RBPJ: variants seen among roughly 807,000 people sequenced by gnomAD.
RBPJ encodes the protein recombination signal binding protein for immunoglobulin kappa J region, also known as recombining binding protein suppressor of hairless.
Under a neutral mutation model 67.8 loss-of-function variants are expected in RBPJ, and 9 were observed. The observed-to-expected ratio is 0.13, with a 90% confidence interval of 0.08 to 0.23. The LOEUF (loss-of-function observed/expected upper bound fraction) is 0.23. Ranked by LOEUF, RBPJ falls within the 10% of genes least tolerant of loss-of-function variation. The pLI, the probability that RBPJ is intolerant of heterozygous loss-of-function variation, is 1.00. For synonymous variants in RBPJ, 198 were observed against 203.3 expected (o/e 0.97, Z 0.22); for missense variants, 305 against 595.6 (o/e 0.51, Z 5.08).
chr4:26,129,949 C>T, the RBPJ span, among the ~76,000 whole-genome samples: 4 of 152,140 alleles, frequency 2.6e-5, no homozygotes, highest in African/African-American at 9.7e-5. Context: ...GCAACCTCTG[C>T]CTCCCAGGTC....
upstream of RBPJ, chr4:26,319,902 G>A: frequency 6.6e-7 from 1 of 1,508,236 alleles, no homozygotes; most frequent in Non-Finnish European, 9.2e-7. Flanking sequence ...GGAGGAGGGG[G>A]CGGGATTCGG....
At chr4:26,292,532 T>C (rs1721705133) in intron 1 of RBPJ, among the ~76,000 whole-genome samples, 1 of 150,510 alleles carries the variant, frequency 6.6e-6, no homozygotes, top group Non-Finnish European at 1.5e-5. Context: ...GCGATTCTCC[T>C]GTCTCAGCCT....
intron 3 of RBPJ, among the ~76,000 whole-genome samples, chr4:26,411,298 T>G (rs921484657): frequency 6.6e-6 from 1 of 151,990 alleles, no homozygotes; most frequent in Non-Finnish European, 1.5e-5. Flanking sequence ...TTAAGTTTTC[T>G]TCTGTTAATT....
chr4:26,305,503 T>C (rs1231460164), intron 1 of RBPJ, among the ~76,000 whole-genome samples: 1 of 152,182 alleles, frequency 6.6e-6, no homozygotes, highest in Non-Finnish European at 1.5e-5. Context: ...CTTTCAACAA[T>C]GTTTTGTAGA....
At chr4:26,256,289 GAAA>G in intron 1 of RBPJ, among the ~76,000 whole-genome samples, 1 of 128,024 alleles carries the variant, frequency 7.8e-6, no homozygotes, top group African/African-American at 2.7e-5. Context: ...CTGGCTTCTG[GAAA>G]AAAAAAAAAA....
intron 1 of RBPJ, among the ~76,000 whole-genome samples, chr4:26,262,904 A>G (rs956361987): frequency 1.1e-4 from 16 of 152,174 alleles, no homozygotes; most frequent in Non-Finnish European, 2.4e-4. Context: ...GGCTTCCCAG[A>G]GCAGAATCCT....
At chr4:26,219,312 A>T (rs1718824489) in intron 1 of RBPJ, among the ~76,000 whole-genome samples, 1 of 152,144 alleles carries the variant, frequency 6.6e-6, no homozygotes, top group South Asian at 2.1e-4. Flanking sequence ...CTTAACCTCA[A>T]GCATGGTGAT....
At chr4:26,292,841 C>T (rs919876032) in intron 1 of RBPJ, among the ~76,000 whole-genome samples, 2 of 150,456 alleles carry the variant, frequency 1.3e-5, no homozygotes, top group African/African-American at 4.9e-5. Flanking sequence ...ATGTGTATCA[C>T]AATTTTTTAA....
At chr4:26,335,176 C>CTTA (rs766415162) in intron 1 of RBPJ, among the ~76,000 whole-genome samples, 9 of 151,764 alleles carry the variant, frequency 5.9e-5, no homozygotes, top group East Asian at 1.9e-4. Context: ...TTCTTATTTT[C>CTTA]TTATTATTAT....
chr4:26,246,745 A>G (rs1173788269), intron 1 of RBPJ, among the ~76,000 whole-genome samples: 1 of 152,112 alleles, frequency 6.6e-6, no homozygotes, highest in African/African-American at 2.4e-5. Context: ...TTCTCTCTCT[A>G]TAGCCTAGTC....
intron 2 of RBPJ, among the ~76,000 whole-genome samples, chr4:26,398,521 T>G (rs1732400541): frequency 6.6e-6 from 1 of 152,246 alleles, no homozygotes; most frequent in Admixed American, 6.5e-5. Flanking sequence ...TGAGAAACAC[T>G]AAGCTATGGA....
At chr4:26,217,722 C>T (rs1316315026) in intron 1 of RBPJ, among the ~76,000 whole-genome samples, 2 of 152,036 alleles carry the variant, frequency 1.3e-5, no homozygotes, top group Non-Finnish European at 2.9e-5. Flanking sequence ...AAATGCAAAC[C>T]GAGTATTTGG....
chr4:26,118,228 C>G, the RBPJ span, among the ~76,000 whole-genome samples: 13 of 152,160 alleles, frequency 8.5e-5, no homozygotes, highest in Admixed American at 6.5e-5. Flanking sequence ...GAGATTCAGT[C>G]CTGCTCTGGA....
intron 1 of RBPJ, among the ~76,000 whole-genome samples, chr4:26,207,192 T>C (rs1484226798): frequency 6.6e-6 from 1 of 152,172 alleles, no homozygotes; most frequent in East Asian, 1.9e-4. Flanking sequence ...AGATGGTGCT[T>C]TGTAAACCAG....
At chr4:26,327,542 GTTTTTTT>G (rs11350013) in intron 1 of RBPJ, among the ~76,000 whole-genome samples, 14 of 104,908 alleles carry the variant, frequency 1.3e-4, no homozygotes, top group African/African-American at 1.9e-4. Context: ...GACCCTGGAG[GTTTTTTT>G]TTTTTTTTTT....
At chr4:26,228,579 G>C (rs1361280032) in intron 1 of RBPJ, among the ~76,000 whole-genome samples, 1 of 152,052 alleles carries the variant, frequency 6.6e-6, no homozygotes, top group East Asian at 1.9e-4. Context: ...CTCGTTTTCA[G>C]GTTTCTATAA....
At chr4:26,186,003 G>A (rs1249755182) in intron 1 of RBPJ, among the ~76,000 whole-genome samples, 1 of 151,976 alleles carries the variant, frequency 6.6e-6, no homozygotes, top group African/African-American at 2.4e-5. Context: ...CTGAGATGGC[G>A]CCATTGCACT....
intron 3 of RBPJ, among the ~76,000 whole-genome samples, chr4:26,409,134 CT>C (rs1733768146): frequency 6.6e-6 from 1 of 152,146 alleles, no homozygotes; most frequent in Non-Finnish European, 1.5e-5. Flanking sequence ...GCAAAAGGAC[CT>C]TTACTAGGAG....
chr4:26,314,187 A>G (rs1456388059), intron 1 of RBPJ, among the ~76,000 whole-genome samples: 1 of 152,180 alleles, frequency 6.6e-6, no homozygotes, highest in East Asian at 1.9e-4. Context: ...TCTTTCCGCA[A>G]AAGTACATAA....
Sources: gnomAD v4.1 joint callset for allele counts (sites outside exome capture counted in the v4.1 genomes callset) on GRCh38, gnomAD v4.1.1 for gene constraint, MANE v1.5 for transcripts, NCBI Gene and HGNC (gene_info 2026-07-23, HGNC 2026-07-21) for gene names.